RNF13: variants seen among roughly 807,000 people sequenced by gnomAD.
RNF13 encodes the protein E3 ubiquitin-protein ligase RNF13.
In RNF13, 19 loss-of-function variants were observed where a neutral mutation model predicts 37.7. The observed-to-expected ratio is 0.50, with a 90% CI of 0.35 to 0.74. The LOEUF (loss-of-function observed/expected upper bound fraction) is 0.74. RNF13 is among the 30% of genes least tolerant of loss of function. The probability of loss-of-function intolerance (pLI) is 0.01; values close to 1 mark genes in which losing one functional copy is unlikely to be tolerated. For synonymous variants in RNF13, 144 were observed against 157.8 expected, an observed-to-expected ratio of 0.91 and a Z score of 0.65; for missense variants, 375 against 453.0, an observed-to-expected ratio of 0.83 and a Z score of 1.56.
intron 3 of RNF13, among the ~76,000 whole-genome samples, chr3:149,858,273 C>T (rs1197040871): frequency 6.6e-6 from 1 of 152,166 alleles, no homozygotes; most frequent in Non-Finnish European, 1.5e-5. Context: ...TAGACCAAGA[C>T]AGTAGTCAAG....
At chr3:149,883,592 T>G (rs1339669687) in intron 4 of RNF13, among the ~76,000 whole-genome samples, 1 of 152,204 alleles carries the variant, frequency 6.6e-6, no homozygotes, top group African/African-American at 2.4e-5. Context: ...TGTCTGCTAT[T>G]CATAATTCCG....
At chr3:149,947,397 T>C (rs1576586078) in intron 8 of RNF13, among the ~76,000 whole-genome samples, 1 of 151,872 alleles carries the variant, frequency 6.6e-6, no homozygotes. Flanking sequence ...GCTCATTTCT[T>C]CTTTCAGTTC....
chr3:149,868,923 A>G (rs183842467), intron 3 of RNF13, among the ~76,000 whole-genome samples: 8 of 151,726 alleles, frequency 5.3e-5, no homozygotes, highest in Non-Finnish European at 2.9e-5. Flanking sequence ...ATTTTTTTGA[A>G]TAAGCTTTCT....
chr3:149,920,790 CTTT>C (rs34551883), intron 7 of RNF13, among the ~76,000 whole-genome samples: 5 of 124,024 alleles, frequency 4.0e-5, no homozygotes, highest in African/African-American at 6.1e-5. Context: ...CCTTCCCATT[CTTT>C]TTTTTTTTTT....
rs145315545 is a variant in RNF13, at chr3:149,944,338, T to A, written c.701-15718T>A. ...AATCCTTTAGCTATATACCCAGTAA[T>A]GGGATTGCTGGGTCAAATGGTATTT... is the stretch of plus-strand genomic sequence containing the variant. On this transcript the variant is annotated intron_variant, in intron 8 of 9. Coordinates refer to ENST00000392894, the MANE Select transcript of RNF13 (RefSeq NM_183381.3). Among the ~76,000 whole-genome samples the A allele has an allele frequency of 5.4e-4, 83 of 152,330 alleles. 1 individual carries two copies. In the East Asian group the frequency reaches 7.7e-3, roughly 14 times the overall value.
At chr3:149,876,771 C>CTTTTTTTTTT (rs768071913) in intron 4 of RNF13, among the ~76,000 whole-genome samples, 1 of 82,494 alleles carries the variant, frequency 1.2e-5, no homozygotes, top group East Asian at 3.9e-4. Flanking sequence ...GTCATCATAT[C>CTTTTTTTTTT]TTTTTTTTTT....
intron 4 of RNF13, among the ~76,000 whole-genome samples, chr3:149,890,159 A>G (rs1714545199): frequency 1.3e-5 from 2 of 152,218 alleles, no homozygotes; most frequent in South Asian, 4.1e-4. Flanking sequence ...TTGGCTATGA[A>G]GTATAAGAGA....
At chr3:149,826,703 G>A (rs1291818565) in intron 1 of RNF13, among the ~76,000 whole-genome samples, 2 of 152,148 alleles carry the variant, frequency 1.3e-5, no homozygotes, top group Non-Finnish European at 2.9e-5. Flanking sequence ...AAAAACCGCA[G>A]AGTCCCACCA....
intron 4 of RNF13, among the ~76,000 whole-genome samples, chr3:149,880,582 G>A (rs762053470): frequency 5.9e-5 from 9 of 151,858 alleles, no homozygotes; most frequent in Non-Finnish European, 1.3e-4. Flanking sequence ...TACACATAAA[G>A]GTTATTCAGA....
intron 8 of RNF13, among the ~76,000 whole-genome samples, chr3:149,958,664 T>C (rs751717537): frequency 5.3e-5 from 8 of 152,226 alleles, no homozygotes; most frequent in Non-Finnish European, 8.8e-5. Context: ...TCAGTCATGA[T>C]TGAATTGCAT....
chr3:149,882,691 G>A (rs1233445755), intron 4 of RNF13, among the ~76,000 whole-genome samples: 1 of 152,098 alleles, frequency 6.6e-6, no homozygotes, highest in Non-Finnish European at 1.5e-5. Flanking sequence ...ACTAAGTGCA[G>A]GATGATTTTG....
At chr3:149,859,675 T>C (rs1288051252) in intron 3 of RNF13, among the ~76,000 whole-genome samples, 1 of 152,152 alleles carries the variant, frequency 6.6e-6, no homozygotes, top group African/African-American at 2.4e-5. Flanking sequence ...CTTCTGCTCA[T>C]GAAAAAATAT....
chr3:149,880,435 A>G (rs959463970), intron 4 of RNF13, among the ~76,000 whole-genome samples: 1 of 152,196 alleles, frequency 6.6e-6, no homozygotes, highest in Non-Finnish European at 1.5e-5. Context: ...TTAAATTGCA[A>G]TTCTGACAAA....
rs1050155985 is a variant in RNF13, at chr3:149,960,839, C to A, written c.881C>A (p.Ser294Tyr). Reference sequence around the variant, plus strand: ...GTTCCTTCTCAAGGCGATTCAGACTCTGACACAGACAGTAGTCAAGAAGAA... The same window carrying A: ...GTTCCTTCTCAAGGCGATTCAGACTATGACACAGACAGTAGTCAAGAAGAA... ...KVVPSQGDSDSDTDSSQEENE... is the reference protein window; with the variant it reads ...KVVPSQGDSDYDTDSSQEENE... Residue 294 changes from serine (S) to tyrosine (Y), a missense_variant, in exon 10 of 10, where the codon TCT becomes TAT. Ser to Tyr is a moderately radical substitution (Grantham distance 144). Coordinates refer to ENST00000392894, the MANE Select transcript of RNF13 (RefSeq NM_183381.3). 7 of 1,614,206 alleles carry A rather than the reference C, an allele frequency of 4.3e-6. No homozygotes were observed. Among genetic ancestry groups the A allele is most frequent in the Non-Finnish European group, 5.9e-6 (7 of 1,180,034 alleles).
chr3:149,899,069 T>TG (rs1177180759), intron 5 of RNF13, among the ~76,000 whole-genome samples: 9 of 149,570 alleles, frequency 6.0e-5, no homozygotes, highest in Non-Finnish European at 1.2e-4. Context: ...AGGGAGGGAG[T>TG]GGGGGGATAA....
At chr3:149,909,880 C>T (rs915613957) in intron 6 of RNF13, among the ~76,000 whole-genome samples, 2 of 151,314 alleles carry the variant, frequency 1.3e-5, no homozygotes, top group Non-Finnish European at 2.9e-5. Context: ...TGGGGCTTGT[C>T]TCATAGGACA....
chr3:149,818,804 G>A (rs1383346055), intron 1 of RNF13, among the ~76,000 whole-genome samples: 1 of 152,096 alleles, frequency 6.6e-6, no homozygotes, highest in African/African-American at 2.4e-5. Flanking sequence ...CCAGTTACTT[G>A]AGAGGCTGAG....
intron 1 of RNF13, among the ~76,000 whole-genome samples, chr3:149,829,128 G>A (rs1720785402): frequency 6.6e-6 from 1 of 152,140 alleles, no homozygotes; most frequent in Admixed American, 6.5e-5. Flanking sequence ...TTGAGATGGA[G>A]TCTTGCTTTG....
chr3:149,961,329 T>C lies in RNF13; in HGVS notation c.*225T>C. The C allele has an allele frequency of 1.5e-6, 1 of 670,246 alleles. No homozygotes were observed. Among genetic ancestry groups the C allele is most frequent in the Non-Finnish European group, 2.7e-6 (1 of 368,384 alleles). 41.5% of individuals were successfully genotyped at this position (670,246 alleles called of 1,614,324 possible). ...GCTGTAACTCAAGCATCAATTCAGC[T>C]CTTCTTTTGGAATGAAAGTATAGCC... On this transcript the variant is annotated 3_prime_UTR_variant, in exon 10 of 10. Transcript: ENST00000392894.
Sources: gnomAD v4.1 joint callset for allele counts (sites outside exome capture counted in the v4.1 genomes callset) on GRCh38, gnomAD v4.1.1 for gene constraint, MANE v1.5 for transcripts, NCBI Gene and HGNC (gene_info 2026-07-23, HGNC 2026-07-21) for gene names.